HSD17B3: variants seen among roughly 807,000 people sequenced by gnomAD.
HSD17B3 encodes hydroxysteroid 17-beta dehydrogenase 3.
Under a neutral mutation model 41.1 loss-of-function variants are expected in HSD17B3, and 29 were observed. The observed-to-expected ratio is 0.71, with a 90% CI of 0.53 to 0.96. The LOEUF (loss-of-function observed/expected upper bound fraction) is 0.96. HSD17B3 is among the 40% of genes least tolerant of loss of function. HSD17B3 has a pLI of 0.00. For missense variants in HSD17B3, 323 were observed against 374.6 expected, an observed-to-expected ratio of 0.86 and a Z score of 1.14; for synonymous variants, 126 against 145.6, an observed-to-expected ratio of 0.87 and a Z score of 0.97.
intron 9 of HSD17B3, among the ~76,000 whole-genome samples, chr9:96,243,882 T>G (rs879425466): frequency 6.6e-6 from 1 of 152,174 alleles, no homozygotes; most frequent in Non-Finnish European, 1.5e-5. Context: ...CCCTGGTGAC[T>G]AGCCCCTCCC....
At chr9:96,235,600 G>A in intron 10 of HSD17B3, 30 bp from the exon 11 acceptor site, 3 of 1,572,470 alleles carry the variant, frequency 1.9e-6, no homozygotes, top group Non-Finnish European at 2.6e-6. Flanking sequence ...CAGTGTTGGG[G>A]AGGAAGGAAT....
Position 96,262,295 on chromosome 9 carries a change from G to C in HSD17B3, c.202-7352C>G, listed in dbSNP as rs567503316. 3.3e-5 allele frequency among the ~76,000 whole-genome samples: 4 copies of C among 119,688 alleles called. No homozygotes were observed. In the Admixed American group the frequency reaches 4.5e-4, roughly 14 times the overall value. 78.5% of individuals were successfully genotyped at this position (119,688 alleles called of 152,430 possible). ...GTCTTGCTGTGTCGCCCAGGCTAGA[G>C]TGCAGTGGCACAATCTCGGCTCACT... On this transcript the variant is annotated intron_variant, in intron 2 of 10. Coordinates refer to ENST00000375263, the MANE Select transcript of HSD17B3 (RefSeq NM_000197.2).
At chr9:96,241,746 G>A (rs1194062190) in intron 9 of HSD17B3, among the ~76,000 whole-genome samples, 1 of 152,000 alleles carries the variant, frequency 6.6e-6, no homozygotes, top group Non-Finnish European at 1.5e-5. Context: ...ACCAGCCTGA[G>A]CAACATGGCA....
intron 1 of HSD17B3, 31 bp downstream of exon 1, chr9:96,301,920 C>CAA (rs8190483): frequency 3.7e-5 from 60 of 1,603,952 alleles, no homozygotes; most frequent in Non-Finnish European, 4.9e-5. Flanking sequence ...ACAACAGCAG[C>CAA]AAAAAAACAT....
intron 2 of HSD17B3, among the ~76,000 whole-genome samples, chr9:96,275,747 C>A (rs1318718374): frequency 1.3e-5 from 2 of 151,048 alleles, no homozygotes; most frequent in African/African-American, 2.4e-5. Context: ...AAGCAATAAT[C>A]GATACAAAAA....
intron 2 of HSD17B3, among the ~76,000 whole-genome samples, chr9:96,263,977 G>A (rs1360553764): frequency 6.6e-6 from 1 of 152,004 alleles, no homozygotes; most frequent in Non-Finnish European, 1.5e-5. Flanking sequence ...TAAAATTGAT[G>A]AGAACAGGTT....
At chr9:96,295,380 G>T (rs1200797562) in intron 2 of HSD17B3, among the ~76,000 whole-genome samples, 1 of 151,132 alleles carries the variant, frequency 6.6e-6, no homozygotes, top group African/African-American at 2.4e-5. Context: ...TGTCCCCCAG[G>T]CTGGAGTGCA....
At chr9:96,280,255 A>T (rs1826636607) in intron 2 of HSD17B3, among the ~76,000 whole-genome samples, 1 of 152,164 alleles carries the variant, frequency 6.6e-6, no homozygotes, top group Non-Finnish European at 1.5e-5. Flanking sequence ...TGGTTGGGAG[A>T]CTTAGAATTG....
At chr9:96,270,580 G>A (rs1826203416) in intron 2 of HSD17B3, among the ~76,000 whole-genome samples, 1 of 152,250 alleles carries the variant, frequency 6.6e-6, no homozygotes. Flanking sequence ...CAAAAATAGG[G>A]CAAGGCAGTT....
At chr9:96,282,158 C>T (rs898758543) in intron 2 of HSD17B3, among the ~76,000 whole-genome samples, 4 of 152,010 alleles carry the variant, frequency 2.6e-5, no homozygotes, top group African/African-American at 7.3e-5. Context: ...ACCATATGGC[C>T]GTGCTTTCTC....
At chr9:96,280,707 T>C (rs558582175) in intron 2 of HSD17B3, among the ~76,000 whole-genome samples, 1 of 152,150 alleles carries the variant, frequency 6.6e-6, no homozygotes, top group Admixed American at 6.5e-5. Flanking sequence ...CATTCCCAGA[T>C]AGTTGAGGCA....
chr9:96,255,235 A>G (rs1825584867), intron 2 of HSD17B3, among the ~76,000 whole-genome samples: 1 of 152,056 alleles, frequency 6.6e-6, no homozygotes, highest in African/African-American at 2.4e-5. Flanking sequence ...ACAAACTGAA[A>G]GTGCTTCTCT....
At chr9:96,271,744 G>A (rs1388078201) in intron 2 of HSD17B3, among the ~76,000 whole-genome samples, 1 of 152,158 alleles carries the variant, frequency 6.6e-6, no homozygotes, top group African/African-American at 2.4e-5. Flanking sequence ...TGTTGTTGTT[G>A]TTGTTGTTAC....
rs112490168 is a variant in HSD17B3, at chr9:96,294,633, G to A, written c.201+3783C>T. ...GCTTGGCAATCCAGGGAACTTAGAG[G>A]TAAGGTGAAGAACCTTTTGGTTGAC... On this transcript the variant is annotated intron_variant, in intron 2 of 10. Transcript: ENST00000375263. Among the ~76,000 whole-genome samples the A allele has an allele frequency of 9.3e-3, 1,416 of 152,348 alleles. 32 individuals carry two copies. Among genetic ancestry groups the A allele is most frequent in the African/African-American group, 0.032 (1,311 of 41,586 alleles).
intron 1 of HSD17B3, among the ~76,000 whole-genome samples, chr9:96,301,280 AAAT>A (rs1827589106): frequency 6.6e-6 from 1 of 151,960 alleles, no homozygotes; most frequent in African/African-American, 2.4e-5. Flanking sequence ...TTTGAGACAT[AAAT>A]AATAATAAGC....
intron 6 of HSD17B3, 57 bp from the exon 7 acceptor site, chr9:96,246,647 G>C (rs368478576): frequency 2.0e-6 from 3 of 1,521,706 alleles, no homozygotes; most frequent in Admixed American, 3.3e-5. Context: ...GTGCAAGGGG[G>C]CGGGATGGAA....
At chr9:96,284,064 A>G (rs1416152561) in intron 2 of HSD17B3, among the ~76,000 whole-genome samples, 2 of 150,980 alleles carry the variant, frequency 1.3e-5, no homozygotes, top group African/African-American at 4.9e-5. Context: ...CTAAAAATAC[A>G]AAAAAAAATT....
At chr9:96,294,818 A>T (rs1345509040) in intron 2 of HSD17B3, among the ~76,000 whole-genome samples, 2 of 152,176 alleles carry the variant, frequency 1.3e-5, no homozygotes, top group African/African-American at 4.8e-5. Flanking sequence ...TCCAACTTCA[A>T]CACTCAAATA....
Position 96,252,910 on chromosome 9 carries a change from T to C in HSD17B3, c.278A>G (p.Glu93Gly). 1.3e-6 allele frequency: 2 copies of C among 1,594,850 alleles called. No individual in the cohort carries two copies. The highest frequency in any genetic ancestry group is 1.7e-6 in the Non-Finnish European group (2 of 1,162,606). The change falls in exon 4 of 11, where the codon GAG (glutamate) becomes GGG (glycine). Residue 93 changes from glutamate (E) to glycine (G), a missense_variant and splice_region_variant. Coordinates refer to ENST00000375263, the MANE Select transcript of HSD17B3 (RefSeq NM_000197.2). ...CTTCACACTCCTCCCTGTAGTCCGC[T>C]CTACACGAGAGACAACAGTTTTTTT... ...EKLEAIATEIERTTGRSVKII... is the reference protein window; with the variant it reads ...EKLEAIATEIGRTTGRSVKII...
Sources: allele counts gnomAD v4.1 joint callset (sites outside exome capture counted in the v4.1 genomes callset), GRCh38; gene constraint gnomAD v4.1.1; transcripts MANE v1.5; gene names NCBI Gene and HGNC (gene_info 2026-07-23, HGNC 2026-07-21).